MAP4: variants seen among roughly 807,000 people sequenced by gnomAD.
MAP4 encodes the protein microtubule-associated protein 4.
MAP4 carries 76 observed loss-of-function variants against 170.2 expected under a neutral mutation model. The observed-to-expected ratio is 0.45, with a 90% CI of 0.37 to 0.54. MAP4 has a LOEUF of 0.54. MAP4 is among the 20% of genes least tolerant of loss of function. The pLI, the probability that MAP4 is intolerant of heterozygous loss-of-function variation, is 0.00. For missense variants in MAP4, 2,506 were observed against 2,748.0 expected (o/e 0.91, Z 1.97); for synonymous variants, 909 against 994.5 (o/e 0.91, Z 1.62).
chr3:48,035,169 T>C (rs1281484306), intron 1 of MAP4, among the ~76,000 whole-genome samples: 1 of 137,412 alleles, frequency 7.3e-6, no homozygotes, highest in African/African-American at 2.7e-5. Context: ...ACACTAAACC[T>C]ACCTTGGGTC....
chr3:47,877,555 A>T (rs750560738), intron 10 of MAP4, 32 bp from the exon 11 acceptor site: 47 of 1,461,666 alleles, frequency 3.2e-5, no homozygotes, highest in Admixed American at 3.7e-5. Context: ...GAATTATGCT[A>T]AGCAAACATT....
At position 48,010,581 on chromosome 3, in the gene MAP4, C is replaced by CAGG. The variant is rs372003505; in HGVS notation, c.-20+5752_-20+5753insCCT. Among the ~76,000 whole-genome samples the CAGG allele has an allele frequency of 4.1e-3, 622 of 152,242 alleles. 6 individuals are homozygous for CAGG. Among genetic ancestry groups the CAGG allele is most frequent in the African/African-American group, 0.014 (594 of 41,538 alleles). The stretch of plus-strand genomic sequence containing the variant: ...TTTATTTTAAGATTACATACGATCT[C>CAGG]AGATGTATATGGGTTCAAGTTGACA... On this transcript the variant is annotated intron_variant, in intron 1 of 20. Coordinates refer to ENST00000683076, the MANE Select transcript of MAP4 (RefSeq NM_001385682.1).
intron 1 of MAP4, among the ~76,000 whole-genome samples, chr3:48,032,540 C>T (rs1379283903): frequency 6.6e-6 from 1 of 151,500 alleles, no homozygotes; most frequent in Non-Finnish European, 1.5e-5. Context: ...TGGCAGGCAC[C>T]TGTAATCCCA....
At chr3:47,913,827 T>C (rs184677021) in intron 8 of MAP4, among the ~76,000 whole-genome samples, 12 of 152,316 alleles carry the variant, frequency 7.9e-5, no homozygotes, top group African/African-American at 2.2e-4. Context: ...ATTCCAATCA[T>C]AGTCACAGAA....
intron 1 of MAP4, among the ~76,000 whole-genome samples, chr3:48,005,099 C>T (rs908410033): frequency 1.3e-5 from 2 of 152,144 alleles, no homozygotes; most frequent in African/African-American, 4.8e-5. Context: ...CGGTGGCTCA[C>T]GCCTGTAATC....
chr3:47,985,448 A>T (rs999678205), intron 2 of MAP4, among the ~76,000 whole-genome samples: 4 of 152,174 alleles, frequency 2.6e-5, no homozygotes, highest in Non-Finnish European at 5.9e-5. Flanking sequence ...CTAAATAAAT[A>T]AATGCTTTTT....
intron 16 of MAP4, among the ~76,000 whole-genome samples, chr3:47,867,730 T>A (rs2083031902): frequency 6.6e-6 from 1 of 152,246 alleles, no homozygotes; most frequent in African/African-American, 2.4e-5. Context: ...GGCTCTTCTC[T>A]GCAAGTCTTA....
At chr3:47,890,162 C>T (rs2098313543) in intron 10 of MAP4, among the ~76,000 whole-genome samples, 1 of 151,990 alleles carries the variant, frequency 6.6e-6, no homozygotes, top group Non-Finnish European at 1.5e-5. Flanking sequence ...CCTTTGTGCT[C>T]AAACTGGACT....
intron 2 of MAP4, among the ~76,000 whole-genome samples, chr3:47,985,869 C>T (rs1429893529): frequency 1.3e-5 from 2 of 152,162 alleles, no homozygotes; most frequent in East Asian, 3.8e-4. Context: ...AAATAAGGTT[C>T]GTGGATTAGA....
intron 1 of MAP4, among the ~76,000 whole-genome samples, chr3:48,068,091 C>T (rs542939577): frequency 2.0e-4 from 31 of 151,514 alleles, no homozygotes; most frequent in Non-Finnish European, 4.1e-4. Flanking sequence ...ATGGTGAAAC[C>T]CCATCTATAC....
At chr3:47,864,076 C>A (rs2074904536) in intron 17 of MAP4, among the ~76,000 whole-genome samples, 1 of 151,820 alleles carries the variant, frequency 6.6e-6, no homozygotes, top group Non-Finnish European at 1.5e-5. Flanking sequence ...TACCCAGGCT[C>A]AAGGAATCCT....
intron 1 of MAP4, among the ~76,000 whole-genome samples, chr3:48,003,918 T>G (rs951630409): frequency 2.0e-5 from 3 of 152,114 alleles, no homozygotes; most frequent in African/African-American, 7.2e-5. Flanking sequence ...GTCTACATCT[T>G]TCTCCTGTGC....
chr3:48,024,014 A>T (rs533429706), intron 1 of MAP4, among the ~76,000 whole-genome samples: 4 of 152,312 alleles, frequency 2.6e-5, no homozygotes, highest in Admixed American at 2.6e-4. Context: ...GGGTGTGAAT[A>T]AAGAATCAAA....
chr3:47,904,582 T>G (rs144442120), intron 9 of MAP4, among the ~76,000 whole-genome samples: 4 of 143,108 alleles, frequency 2.8e-5, no homozygotes, highest in African/African-American at 1.0e-4. Context: ...CTATTATTAT[T>G]AACACCCGGA....
intron 3 of MAP4, among the ~76,000 whole-genome samples, chr3:47,951,790 A>C (rs2100064151): frequency 6.6e-6 from 1 of 151,924 alleles, no homozygotes; most frequent in Admixed American, 6.6e-5. Flanking sequence ...GGAAGTGAGG[A>C]GCGTCTCTGC....
chr3:47,905,116 C>G (rs1041680505), intron 9 of MAP4, among the ~76,000 whole-genome samples: 1 of 152,102 alleles, frequency 6.6e-6, no homozygotes, highest in African/African-American at 2.4e-5. Context: ...AAGTGAGGAA[C>G]AAAGATAAAC....
At chr3:47,942,367 A>G (rs1319097174) in intron 3 of MAP4, among the ~76,000 whole-genome samples, 1 of 152,136 alleles carries the variant, frequency 6.6e-6, no homozygotes, top group Non-Finnish European at 1.5e-5. Flanking sequence ...AGTTTTTTTT[A>G]AATTAAAAAC....
chr3:47,911,137 C>T lies in MAP4; in HGVS notation c.3284G>A (p.Arg1095Lys). The part of the protein sequence containing the change: ...PFLLDSQKDG[R>K]AVLIPSEPVS... Reference sequence around the variant, plus strand: ...TGGCTCACTCGGTATGAGAACAGCCCTTCCGTCCTTCTGGCTGTCCAGAAG... The same window carrying T: ...TGGCTCACTCGGTATGAGAACAGCCTTTCCGTCCTTCTGGCTGTCCAGAAG... Residue 1095 changes from arginine (R) to lysine (K), a missense_variant, in exon 9 of 21, where the codon AGG (arginine) becomes AAG (lysine). Around this residue, in one of 3 missense-constraint regions of MAP4, gnomAD observed 2,008 missense variants for 2,206.0 expected, o/e 0.91. Transcript: ENST00000683076. This position sits in a 1 kb window ranked among gnomAD's most constrained non-coding sequence, Gnocchi z 4.0. 1 of 1,536,126 alleles carries T rather than the reference C, an allele frequency of 6.5e-7. No individual in the cohort carries two copies.
At chr3:47,893,737 G>C (rs1170217645) in intron 10 of MAP4, among the ~76,000 whole-genome samples, 1 of 148,658 alleles carries the variant, frequency 6.7e-6, no homozygotes, top group Admixed American at 6.7e-5. Flanking sequence ...CTTTTTCCAA[G>C]ATGAAGAAAA....
Sources: allele counts gnomAD v4.1 joint callset (sites outside exome capture counted in the v4.1 genomes callset), GRCh38; gene constraint gnomAD v4.1.1; regional missense constraint gnomAD v4.1.1; non-coding constraint Gnocchi (gnomAD v3.1); transcripts MANE v1.5; gene names NCBI Gene and HGNC (gene_info 2026-07-23, HGNC 2026-07-21).